The following TLL1 variants were observed in gnomAD, a reference collection of about 807,000 sequenced individuals.
TLL1 encodes tolloid like 1.
A neutral mutation model predicts 128.2 loss-of-function variants in TLL1; 49 were observed. The observed-to-expected ratio is 0.38, with a 90% confidence interval of 0.30 to 0.48. TLL1 has a LOEUF of 0.48. Among genes scored for constraint, TLL1 ranks in the 20% least tolerant of loss-of-function variants. The pLI is 0.96. For missense variants in TLL1, 1,123 were observed against 1,242.0 expected (o/e 0.90, Z 1.44); for synonymous variants, 454 against 418.8 (o/e 1.08, Z -1.03).
At chr4:165,933,009 T>C (rs967183860) in intron 1 of TLL1, among the ~76,000 whole-genome samples, 1 of 152,242 alleles carries the variant, frequency 6.6e-6, no homozygotes, top group Non-Finnish European at 1.5e-5. Flanking sequence ...TCTTTAAGTA[T>C]ATGAACTTTC....
rs1740048416 is a variant in TLL1 at position 166,057,093 on chromosome 4, T to G, written c.1721-91T>G. The G allele has an allele frequency of 4.1e-6, 6 of 1,465,570 alleles. No individual in the cohort carries two copies. The African/African-American group carries it at 5.5e-5, about 14-fold the overall frequency. 90.8% of individuals were successfully genotyped at this position (1,465,570 alleles called of 1,614,324 possible). A position where few individuals can be genotyped will look rare whatever the true frequency, so the allele number is the denominator to read the frequency against. On this transcript the variant is annotated intron_variant, in intron 13 of 20. Transcript: ENST00000061240. ...GAATTTTGGGAGATATCATTCAAGG[T>G]GAGATTTGGGTGGGGACACAGCCAA...
At chr4:166,033,128 T>C (rs975746262) in intron 9 of TLL1, among the ~76,000 whole-genome samples, 3 of 152,130 alleles carry the variant, frequency 2.0e-5, no homozygotes, top group Non-Finnish European at 2.9e-5. Context: ...AAAGTAGAAA[T>C]TAAAATAACC....
chr4:166,014,705 GA>G, intron 8 of TLL1, 145 bp downstream of exon 8: 1 of 1,283,514 alleles, frequency 7.8e-7, no homozygotes, highest in Admixed American at 1.8e-5. Flanking sequence ...ATCATAAAAT[GA>G]GGCAGGAGGG....
chr4:165,955,640 A>G (rs946524276), intron 1 of TLL1, among the ~76,000 whole-genome samples: 1 of 152,174 alleles, frequency 6.6e-6, no homozygotes, highest in Non-Finnish European at 1.5e-5. Context: ...TATATTCAGC[A>G]TCTTTATTGA....
At chr4:165,905,170 T>G (rs1268619848) in intron 1 of TLL1, among the ~76,000 whole-genome samples, 1 of 152,194 alleles carries the variant, frequency 6.6e-6, no homozygotes, top group East Asian at 1.9e-4. Flanking sequence ...GAATTTAAAC[T>G]TATACCTGCT....
chr4:165,929,744 T>G (rs1347973935), intron 1 of TLL1, among the ~76,000 whole-genome samples: 1 of 152,164 alleles, frequency 6.6e-6, no homozygotes, highest in Non-Finnish European at 1.5e-5. Flanking sequence ...GCAGATAACT[T>G]TTTGTGACAC....
In TLL1 at chr4:166,057,164, A is replaced by G. The variant is rs780500127; in HGVS notation, c.1721-20A>G. 1 of 1,613,462 alleles carries G rather than the reference A, an allele frequency of 6.2e-7. No homozygotes were observed. The highest frequency in any genetic ancestry group is 8.5e-7 in the Non-Finnish European group (1 of 1,179,644). ...ACATATATATGTATAGTTGTTCTAT[A>G]ACTATGACCATTTTCATAGAGGAAG... is the stretch of plus-strand genomic sequence containing the variant. On this transcript the variant is annotated intron_variant, in intron 13 of 20. Coordinates refer to ENST00000061240, the MANE Select transcript of TLL1 (RefSeq NM_012464.5).
intron 1 of TLL1, among the ~76,000 whole-genome samples, chr4:165,902,498 C>A (rs1351978593): frequency 6.6e-6 from 1 of 152,136 alleles, no homozygotes; most frequent in Non-Finnish European, 1.5e-5. Flanking sequence ...CGTTCCTCAC[C>A]TCATGGTCCT....
chr4:165,951,056 G>A (rs1162158144), intron 1 of TLL1, among the ~76,000 whole-genome samples: 1 of 151,882 alleles, frequency 6.6e-6, no homozygotes, highest in Non-Finnish European at 1.5e-5. Context: ...ACAAATACCA[G>A]GAATGAAAAG....
chr4:165,993,227 G>A lies in TLL1; in HGVS notation c.361+343G>A, dbSNP rs933737982. Among the ~76,000 whole-genome samples, 12 of 151,918 alleles carry A rather than the reference G, an allele frequency of 7.9e-5. No homozygotes were observed. The South Asian group carries it at 2.1e-3, about 26-fold the overall frequency. On this transcript the variant is annotated intron_variant, in intron 3 of 20. Transcript: ENST00000061240. ...TTTAATCAAGTGAAAAAATATCATGGTTATTTGTTTTGAAATAAATCTACT... is the reference window on the plus strand; with the variant it reads ...TTTAATCAAGTGAAAAAATATCATGATTATTTGTTTTGAAATAAATCTACT...
At chr4:166,070,331 T>C (rs1359317412) in intron 16 of TLL1, among the ~76,000 whole-genome samples, 1 of 151,922 alleles carries the variant, frequency 6.6e-6, no homozygotes, top group Non-Finnish European at 1.5e-5. Context: ...TTGGACTTTA[T>C]ACCTGAAAAA....
At chr4:165,888,707 T>G (rs1427659097) in intron 1 of TLL1, among the ~76,000 whole-genome samples, 1 of 152,190 alleles carries the variant, frequency 6.6e-6, no homozygotes, top group Non-Finnish European at 1.5e-5. Flanking sequence ...AGAAGATATT[T>G]GTTTTTCTCC....
In TLL1 at chr4:165,974,209, C is replaced by T. The variant is rs1015177272; in HGVS notation, c.170-15172C>T. ...AGGCTGGAGTGCAGTGGCGGGATCT[C>T]GGCTCACTGCAAGCTCCGCCTCCCG... On this transcript the variant is annotated intron_variant, in intron 1 of 20. Transcript: ENST00000061240. Among the ~76,000 whole-genome samples the T allele has an allele frequency of 1.5e-3, 154 of 104,998 alleles. 1 individual carries two copies. Among genetic ancestry groups the T allele is most frequent in the Non-Finnish European group, 1.7e-3 (107 of 61,740 alleles). 68.9% of individuals were successfully genotyped at this position (104,998 alleles called of 152,430 possible). A position where few individuals can be genotyped will look rare whatever the true frequency, so the allele number is the denominator to read the frequency against.
In TLL1 at chr4:166,042,136, C is replaced by G. The variant is rs377095680; in HGVS notation, c.1371C>G (p.Val457=). The G allele has an allele frequency of 1.7e-5, 27 of 1,604,426 alleles. No individual in the cohort carries two copies. The African/African-American group carries it at 2.8e-4, about 17-fold the overall frequency. The change falls in exon 11 of 21, where the codon GTC becomes GTG. Residue 457 remains valine (V), a synonymous_variant. Transcript: ENST00000061240. ...SNWVGKGFAA[V]YEAICGGEIR... ...GGGTAGGAAAAGGCTTTGCAGCTGT[C>G]TATGAAGGTAAGTCACATTGAATTT...
Position 166,034,457 on chromosome 4 carries a change from G to A in TLL1, c.1159-4882G>A, listed in dbSNP as rs1164090334. On this transcript the variant is annotated intron_variant, in intron 9 of 20. Transcript: ENST00000061240. ...ATGTGCTTGAGATAATGAAAGATGAGGCAGCAAAATTGGGTTATGACTAGA... is the reference window on the plus strand; with the variant it reads ...ATGTGCTTGAGATAATGAAAGATGAAGCAGCAAAATTGGGTTATGACTAGA... Among the ~76,000 whole-genome samples the A allele has an allele frequency of 3.3e-5, 5 of 150,596 alleles. No individual in the cohort carries two copies. In the Admixed American group the frequency reaches 3.3e-4, roughly 10 times the overall value.
intron 14 of TLL1, 69 bp from the exon 15 acceptor site, chr4:166,059,959 A>G: frequency 6.3e-7 from 1 of 1,577,104 alleles, no homozygotes; most frequent in Non-Finnish European, 8.7e-7. Flanking sequence ...GGTATTAATT[A>G]ATGGACAGGT....
intron 1 of TLL1, among the ~76,000 whole-genome samples, chr4:165,985,805 G>A (rs1057394508): frequency 6.6e-6 from 1 of 151,934 alleles, no homozygotes; most frequent in African/African-American, 2.4e-5. Flanking sequence ...TGTTTGTTGT[G>A]CATTAACGGC....
At chr4:166,049,998 G>A (rs934213748) in intron 12 of TLL1, among the ~76,000 whole-genome samples, 3 of 152,016 alleles carry the variant, frequency 2.0e-5, no homozygotes, top group Admixed American at 1.3e-4. Flanking sequence ...GATTACATTA[G>A]CTATGTTTTA....
intron 1 of TLL1, among the ~76,000 whole-genome samples, chr4:165,931,336 T>C (rs1236223596): frequency 6.6e-6 from 1 of 152,216 alleles, no homozygotes. Flanking sequence ...AAGCTTCTTC[T>C]ATGCCTAATT....
Sources: gnomAD v4.1 joint callset for allele counts (sites outside exome capture counted in the v4.1 genomes callset) on GRCh38, gnomAD v4.1.1 for gene constraint, MANE v1.5 for transcripts, NCBI Gene and HGNC (gene_info 2026-07-23, HGNC 2026-07-21) for gene names.